Variants in KIDINS220 observed in about 807,000 individuals in gnomAD.
The protein encoded by KIDINS220 is kinase D-interacting substrate of 220 kDa.
KIDINS220 carries 63 observed loss-of-function variants against 157.6 expected under a neutral mutation model. The observed-to-expected ratio is 0.40, with a 90% CI of 0.33 to 0.49. The LOEUF (loss-of-function observed/expected upper bound fraction) is 0.49, where lower values mean the gene tolerates loss of function less well. Ranked by LOEUF, KIDINS220 falls within the 20% of genes least tolerant of loss-of-function variation. The pLI is 0.66. For missense variants in KIDINS220, 1,772 were observed against 2,171.2 expected, an observed-to-expected ratio of 0.82 and a Z score of 3.65; for synonymous variants, 732 against 783.6, an observed-to-expected ratio of 0.93 and a Z score of 1.10.
chr2:8,807,593 G>A (rs548342862), intron 6 of KIDINS220, among the ~76,000 whole-genome samples: 13 of 152,252 alleles, frequency 8.5e-5, no homozygotes, highest in African/African-American at 2.9e-4. Context: ...AGTGGCTACT[G>A]TACTGAGCAG....
chr2:8,757,641 C>T (rs1268387518), intron 22 of KIDINS220: 68 of 1,610,206 alleles, frequency 4.2e-5, no homozygotes, highest in East Asian at 1.8e-4. Flanking sequence ...GAATGTGCAT[C>T]TCTGAGGGAG....
rs79183319 is a variant in KIDINS220, at chr2:8,829,077, A to G, written c.-36-1948T>C. 3.9e-3 allele frequency among the ~76,000 whole-genome samples: 590 copies of G among 152,350 alleles called. 31 individuals carry two copies. In the East Asian group the frequency reaches 0.097, roughly 25 times the overall value. ...CTCTGGGGGCCAGAGGGCAGAAACT[A>G]TAGCACTATATGATTCTACTTATAT... On this transcript the variant is annotated intron_variant, in intron 1 of 29. Coordinates refer to ENST00000256707, the MANE Select transcript of KIDINS220 (RefSeq NM_020738.4).
chr2:8,761,090 C>T (rs1024356575), intron 22 of KIDINS220, among the ~76,000 whole-genome samples: 7 of 152,054 alleles, frequency 4.6e-5, no homozygotes, highest in African/African-American at 1.2e-4. Flanking sequence ...TAAAATGTTC[C>T]GACAAAAGTA....
intron 18 of KIDINS220, 133 bp from the exon 19 acceptor site, chr2:8,779,272 T>G (rs1671379318): frequency 4.9e-6 from 6 of 1,236,112 alleles, no homozygotes; most frequent in African/African-American, 1.5e-5. Context: ...CAAAACTTAC[T>G]CTGCACAAAA....
At chr2:8,795,377 T>C (rs1673765098) in intron 11 of KIDINS220, among the ~76,000 whole-genome samples, 1 of 152,230 alleles carries the variant, frequency 6.6e-6, no homozygotes, top group African/African-American at 2.4e-5. Context: ...TTCTGCCAGA[T>C]ACAAAATTCC....
intron 29 of KIDINS220, among the ~76,000 whole-genome samples, chr2:8,732,292 C>A (rs191685938): frequency 2.2e-4 from 34 of 152,292 alleles, no homozygotes; most frequent in Admixed American, 1.9e-3. Flanking sequence ...GAGACAGGAT[C>A]TTGCTGTGTT....
intron 2 of KIDINS220, among the ~76,000 whole-genome samples, chr2:8,819,550 G>C (rs572350477): frequency 6.6e-6 from 1 of 152,180 alleles, no homozygotes; most frequent in African/African-American, 2.4e-5. Flanking sequence ...TAGGCCGAGC[G>C]CAGTGGCTCA....
At chr2:8,778,772 T>C in intron 19 of KIDINS220, 45 bp from the exon 20 acceptor site, 1 of 1,585,556 alleles carries the variant, frequency 6.3e-7, no homozygotes, top group Non-Finnish European at 8.7e-7. Context: ...CAAAATTCTG[T>C]TGTATATGAT....
chr2:8,776,657 C>A, intron 21 of KIDINS220, 91 bp downstream of exon 21: 4 of 1,133,642 alleles, frequency 3.5e-6, no homozygotes, highest in Non-Finnish European at 5.0e-6. Flanking sequence ...TAAACATATA[C>A]ACACAATACA....
intron 28 of KIDINS220, among the ~76,000 whole-genome samples, chr2:8,734,349 A>G (rs1246341621): frequency 6.6e-6 from 1 of 152,184 alleles, no homozygotes; most frequent in East Asian, 1.9e-4. Context: ...AAGGCCTCGA[A>G]GGCTTTGAGG....
intron 4 of KIDINS220, among the ~76,000 whole-genome samples, chr2:8,813,703 C>T (rs1037640258): frequency 2.0e-5 from 3 of 152,180 alleles, no homozygotes; most frequent in Non-Finnish European, 4.4e-5. Flanking sequence ...GCAGGCAGAT[C>T]ATGAGCTCAG....
Position 8,782,038 on chromosome 2 carries a change from C to T in KIDINS220, c.2230-2224G>A, listed in dbSNP as rs543401526. ...CTGAGGTGGGAGGATCCCTTGAGCC[C>T]AGGAGGCAGAGATTGCAGCAAGCTG... On this transcript the variant is annotated intron_variant, in intron 17 of 29. Transcript: ENST00000256707. Among the ~76,000 whole-genome samples the T allele has an allele frequency of 4.7e-4, 71 of 152,106 alleles. 1 individual carries two copies. The highest frequency in any genetic ancestry group is 1.6e-3 in the African/African-American group (68 of 41,494).
chr2:8,827,598 C>A (rs185599791), intron 1 of KIDINS220, among the ~76,000 whole-genome samples: 4 of 152,272 alleles, frequency 2.6e-5, no homozygotes, highest in Admixed American at 2.6e-4. Context: ...CCACCCTGGA[C>A]GAGCCACCGT....
rs1668271232 is a variant in KIDINS220 at position 8,758,106 on chromosome 2, G to A, written c.3012-6462C>T. On this transcript the variant is annotated intron_variant, in intron 22 of 29. Coordinates refer to ENST00000256707, the MANE Select transcript of KIDINS220 (RefSeq NM_020738.4). The stretch of plus-strand genomic sequence containing the variant: ...TCGAACTCCTGACCTCAGGTGATCT[G>A]CCTGCATCGGCCTGCTAAAGTACTG... Among the ~76,000 whole-genome samples the A allele has an allele frequency of 2.0e-5, 3 of 152,136 alleles. No homozygotes were observed. In the South Asian group the frequency reaches 6.2e-4, roughly 31 times the overall value.
chr2:8,790,084 C>T (rs1672987540), intron 13 of KIDINS220, 25 bp from the exon 14 acceptor site: 4 of 1,566,066 alleles, frequency 2.6e-6, no homozygotes, highest in Non-Finnish European at 3.4e-6. Context: ...AATACGAAAC[C>T]TTATTCCTGT....
chr2:8,770,749 G>A lies in KIDINS220; in HGVS notation c.2932C>T (p.Arg978Trp), dbSNP rs759694870. 8 of 1,610,754 alleles carry A rather than the reference G, an allele frequency of 5.0e-6. No individual in the cohort carries two copies. The highest frequency in any genetic ancestry group is 1.7e-4 in the Middle Eastern group (1 of 6,056). Residue 978 changes from arginine to tryptophan, a missense_variant, in exon 22 of 30, where the codon CGG becomes TGG. Transcript: ENST00000256707. ...WINLTEQWPYRTSWLILYLEE... is the reference protein window; with the variant it reads ...WINLTEQWPYWTSWLILYLEE... The stretch of plus-strand genomic sequence containing the variant: ...AAATATAATATGAGCCATGAAGTCC[G>A]GTATGGCCACTGCTCAGTAAGGTTG...
At chr2:8,802,250 C>A (rs746253172) in intron 8 of KIDINS220, among the ~76,000 whole-genome samples, 3 of 152,074 alleles carry the variant, frequency 2.0e-5, no homozygotes, top group East Asian at 3.8e-4. Flanking sequence ...GAAGTACACA[C>A]GAGATTTATT....
At chr2:8,767,582 T>C (rs891797993) in intron 22 of KIDINS220, among the ~76,000 whole-genome samples, 2 of 152,132 alleles carry the variant, frequency 1.3e-5, no homozygotes, top group Non-Finnish European at 2.9e-5. Flanking sequence ...GCTTGTGCAA[T>C]AATCCAGGCC....
chr2:8,765,994 C>T (rs1669436403), intron 22 of KIDINS220, among the ~76,000 whole-genome samples: 1 of 152,090 alleles, frequency 6.6e-6, no homozygotes, highest in Non-Finnish European at 1.5e-5. Flanking sequence ...AACAAGCTCC[C>T]TTGAATCAAC....
Sources: gnomAD v4.1 joint callset for allele counts (sites outside exome capture counted in the v4.1 genomes callset) on GRCh38, gnomAD v4.1.1 for gene constraint, MANE v1.5 for transcripts, NCBI Gene and HGNC (gene_info 2026-07-23, HGNC 2026-07-21) for gene names.